ACYP2: variants seen among roughly 807,000 people sequenced by gnomAD.
The protein encoded by ACYP2 is acylphosphatase 2.
A neutral mutation model predicts 11.2 loss-of-function variants in ACYP2; 12 were observed. The observed-to-expected ratio is 1.08, with a 90% CI of 0.69 to 1.74. ACYP2 has a LOEUF of 1.74. ACYP2 is among the 40% of genes most tolerant of loss of function. The pLI, the probability that ACYP2 is intolerant of heterozygous loss-of-function variation, is 0.00. For missense variants in ACYP2, 134 were observed against 101.9 expected, an observed-to-expected ratio of 1.31 and a Z score of -1.35; for synonymous variants, 43 against 32.2, an observed-to-expected ratio of 1.33 and a Z score of -1.13.
chr2:54,052,111 G>A (rs1015948360), intron 3 of ACYP2, among the ~76,000 whole-genome samples: 11 of 151,904 alleles, frequency 7.2e-5, no homozygotes, highest in African/African-American at 2.7e-4. Flanking sequence ...TGAAGAGGAT[G>A]AGGAGAAGGA....
chr2:54,092,195 T>A (rs1180876998), intron 4 of ACYP2, among the ~76,000 whole-genome samples: 1 of 152,132 alleles, frequency 6.6e-6, no homozygotes, highest in Non-Finnish European at 1.5e-5. Context: ...GAATTTGCAG[T>A]GCTGGGGAAC....
At chr2:54,292,306 G>A (rs78242000) in intron 6 of ACYP2, among the ~76,000 whole-genome samples, 3,524 of 152,032 alleles carry the variant, frequency 0.023, 50 homozygotes, top group Non-Finnish European at 0.036. Flanking sequence ...AAAGCTACTA[G>A]CTATGTAGTT....
intron 4 of ACYP2, among the ~76,000 whole-genome samples, chr2:54,084,402 C>A (rs1229930422): frequency 6.6e-6 from 1 of 152,206 alleles, no homozygotes; most frequent in Non-Finnish European, 1.5e-5. Flanking sequence ...TCAAGCTATT[C>A]TCATGCCTCA....
intron 6 of ACYP2, among the ~76,000 whole-genome samples, chr2:54,211,541 G>C (rs1685330493): frequency 6.6e-6 from 1 of 152,158 alleles, no homozygotes; most frequent in Non-Finnish European, 1.5e-5. Context: ...CTCAGCTTTG[G>C]TGTCTTTTAT....
At chr2:54,043,217 A>G (rs1400627066) in intron 2 of ACYP2, among the ~76,000 whole-genome samples, 1 of 152,200 alleles carries the variant, frequency 6.6e-6, no homozygotes, top group Non-Finnish European at 1.5e-5. Flanking sequence ...GAGGATGGCA[A>G]GTATAATATA....
chr2:54,141,745 T>A, intron 6 of ACYP2: 1 of 433,832 alleles, frequency 2.3e-6, no homozygotes, highest in Admixed American at 3.7e-5. Flanking sequence ...AACTTTAAGA[T>A]ACTTTTACCT....
intron 4 of ACYP2, among the ~76,000 whole-genome samples, chr2:54,078,921 T>G (rs1419479339): frequency 6.6e-6 from 1 of 152,226 alleles, no homozygotes; most frequent in Admixed American, 6.5e-5. Context: ...TAACTTATGA[T>G]GTCAAAAATT....
At chr2:54,128,327 A>G (rs1558551607) in intron 4 of ACYP2, among the ~76,000 whole-genome samples, 1 of 152,222 alleles carries the variant, frequency 6.6e-6, no homozygotes, top group African/African-American at 2.4e-5. Flanking sequence ...GAACCTCTGT[A>G]TCAGCAAGTG....
At chr2:54,155,507 T>C (rs1682388796) in intron 6 of ACYP2, among the ~76,000 whole-genome samples, 1 of 152,170 alleles carries the variant, frequency 6.6e-6, no homozygotes, top group Non-Finnish European at 1.5e-5. Context: ...TCCTGCCAGA[T>C]CAGTGGCAGC....
chr2:54,103,730 A>C (rs891085475), intron 4 of ACYP2, among the ~76,000 whole-genome samples: 1 of 152,236 alleles, frequency 6.6e-6, no homozygotes, highest in Non-Finnish European at 1.5e-5. Context: ...TATAGAGCTC[A>C]AGAAAGTGAA....
chr2:54,093,862 C>T (rs960279344), intron 4 of ACYP2, among the ~76,000 whole-genome samples: 1 of 152,110 alleles, frequency 6.6e-6, no homozygotes, highest in Non-Finnish European at 1.5e-5. Flanking sequence ...ATGACATGAA[C>T]CTGGGAGGCA....
At chr2:54,300,618 T>G (rs1281330811) in intron 6 of ACYP2, among the ~76,000 whole-genome samples, 2 of 152,196 alleles carry the variant, frequency 1.3e-5, no homozygotes, top group Admixed American at 6.5e-5. Context: ...TTGTCTCCTT[T>G]CCTTTCCTCG....
intron 6 of ACYP2, among the ~76,000 whole-genome samples, chr2:54,260,354 A>G (rs1166554705): frequency 1.3e-5 from 2 of 152,122 alleles, no homozygotes; most frequent in African/African-American, 2.4e-5. Flanking sequence ...AAGAGTGACT[A>G]GACTGTGACC....
chr2:54,027,219 C>T (rs971227672), intron 2 of ACYP2, among the ~76,000 whole-genome samples: 2 of 152,094 alleles, frequency 1.3e-5, no homozygotes, highest in African/African-American at 2.4e-5. Context: ...TCTCTTTGAC[C>T]TTCTCTTGTG....
At chr2:53,984,224 C>T (rs1671901600) in intron 2 of ACYP2, among the ~76,000 whole-genome samples, 1 of 152,146 alleles carries the variant, frequency 6.6e-6, no homozygotes, top group East Asian at 1.9e-4. Context: ...TTAAACTTCA[C>T]ACCAAAACTA....
chr2:54,226,197 C>T (rs843762), intron 6 of ACYP2, among the ~76,000 whole-genome samples: 72,462 of 151,946 alleles, frequency 0.48, 18,283 homozygotes, highest in African/African-American at 0.65. Flanking sequence ...TAGTGGATGT[C>T]TTAAGAGGTG....
chr2:54,020,725 A>G (rs1012006247), intron 2 of ACYP2, among the ~76,000 whole-genome samples: 8 of 152,224 alleles, frequency 5.3e-5, no homozygotes, highest in African/African-American at 1.7e-4. Flanking sequence ...ATATATACAG[A>G]AAAAGTTTAC....
At chr2:53,993,824 GA>G (rs1402100057) in intron 2 of ACYP2, among the ~76,000 whole-genome samples, 2 of 152,046 alleles carry the variant, frequency 1.3e-5, no homozygotes, top group African/African-American at 4.8e-5. Flanking sequence ...GAAGTTCAGA[GA>G]AAAAAAGTAG....
At chr2:54,147,300 T>C (rs1681941247) in intron 6 of ACYP2, among the ~76,000 whole-genome samples, 1 of 152,132 alleles carries the variant, frequency 6.6e-6, no homozygotes, top group Admixed American at 6.5e-5. Flanking sequence ...TGTAGACTTA[T>C]GGGCTTGAGG....
Sources: allele counts gnomAD v4.1 joint callset (sites outside exome capture counted in the v4.1 genomes callset), GRCh38; gene constraint gnomAD v4.1.1; transcripts MANE v1.5; gene names NCBI Gene and HGNC (gene_info 2026-07-23, HGNC 2026-07-21).